Variants in KIRREL3 observed in about 807,000 individuals in gnomAD.
The protein encoded by KIRREL3 is kin of IRRE-like protein 3.
Under a neutral mutation model 89.7 loss-of-function variants are expected in KIRREL3, and 36 were observed. The ratio of observed to expected loss-of-function variants is 0.40; its 90% CI spans 0.31 to 0.53. The LOEUF (loss-of-function observed/expected upper bound fraction) is 0.53, where lower values mean the gene tolerates loss of function less well. KIRREL3 is among the 20% of genes least tolerant of loss of function. The pLI, the probability that KIRREL3 is intolerant of heterozygous loss-of-function variation, is 0.49. For synonymous variants in KIRREL3, 445 were observed against 441.4 expected (o/e 1.01, Z -0.10); for missense variants, 864 against 1,056.6 (o/e 0.82, Z 2.53).
rs1481196733 is a variant in KIRREL3 at position 126,425,716 on chromosome 11, C to G, written c.1815G>C (p.Arg605=). The G allele has an allele frequency of 1.3e-6, 2 of 1,594,814 alleles. No individual in the cohort carries two copies. Among genetic ancestry groups the G allele is most frequent in the Admixed American group, 1.7e-5 (1 of 57,710 alleles). Residue 605 remains arginine, a synonymous_variant, in exon 16 of 17, where the codon CGG becomes CGC. Coordinates refer to ENST00000525144, the MANE Select transcript of KIRREL3 (RefSeq NM_032531.4). The part of the protein sequence containing the change: ...HSTIKQLMMD[R]GEFQQDSVLK... The stretch of plus-strand genomic sequence containing the variant: ...GGACTGAGTCTTGCTGGAATTCACC[C>G]CGGTCCATCTGCAACCCAAAAAAGG...
At position 126,752,646 on chromosome 11, in the gene KIRREL3, G is replaced by T. The variant is rs978434650; in HGVS notation, c.56-189734C>A. On this transcript the variant is annotated intron_variant, in intron 1 of 16. Transcript: ENST00000525144. This position sits in a 1 kb window ranked among gnomAD's most constrained non-coding sequence, Gnocchi z 4.8. The stretch of plus-strand genomic sequence containing the variant: ...GACTACTATTCCCCCCCCACCCACT[G>T]CCTCCCAAGATTCACATGTGAAAGA... Among the ~76,000 whole-genome samples the T allele has an allele frequency of 2.6e-5, 4 of 151,938 alleles. No individual in the cohort carries two copies. The highest frequency in any genetic ancestry group is 5.9e-5 in the Non-Finnish European group (4 of 68,008).
intron 8 of KIRREL3, among the ~76,000 whole-genome samples, chr11:126,447,162 G>A (rs1955852033): frequency 6.6e-6 from 1 of 152,340 alleles, no homozygotes; most frequent in Non-Finnish European, 1.5e-5. Flanking sequence ...TGGGAAGAAG[G>A]TGCTGGGGAC....
intron 1 of KIRREL3, among the ~76,000 whole-genome samples, chr11:126,573,598 C>T (rs955519107): frequency 6.6e-6 from 1 of 152,134 alleles, no homozygotes; most frequent in Admixed American, 6.5e-5. Context: ...CCCATTACGA[C>T]GCTGTATCCT....
Position 126,523,272 on chromosome 11 carries a change from A to G in KIRREL3, c.284-1808T>C, listed in dbSNP as rs973905190. Among the ~76,000 whole-genome samples the G allele has an allele frequency of 1.3e-5, 2 of 152,072 alleles. No homozygotes were observed. The highest frequency in any genetic ancestry group is 2.9e-5 in the Non-Finnish European group (2 of 68,006). ...AGAGGTGATTTCTACACCGGGTGAA[A>G]GATCAGACTAGAGGAGCTTGAAGGC... is the stretch of plus-strand genomic sequence containing the variant. On this transcript the variant is annotated intron_variant, in intron 3 of 16. Coordinates refer to ENST00000525144, the MANE Select transcript of KIRREL3 (RefSeq NM_032531.4). This position sits in a 1 kb window ranked among gnomAD's most constrained non-coding sequence, Gnocchi z 4.9.
chr11:126,920,730 C>A (rs1397591087), intron 1 of KIRREL3, among the ~76,000 whole-genome samples: 1 of 152,162 alleles, frequency 6.6e-6, no homozygotes, highest in Admixed American at 6.5e-5. Context: ...TTTCCCCAAC[C>A]AGCTCAGACT....
rs1156520368 is a variant in KIRREL3, at chr11:126,601,553, T to C, written c.56-38641A>G. Among the ~76,000 whole-genome samples, 2 of 152,224 alleles carry C rather than the reference T, an allele frequency of 1.3e-5. No homozygotes were observed. The highest frequency in any genetic ancestry group is 4.8e-5 in the African/African-American group (2 of 41,462). On this transcript the variant is annotated intron_variant, in intron 1 of 16. Coordinates refer to ENST00000525144, the MANE Select transcript of KIRREL3 (RefSeq NM_032531.4). The surrounding 1 kb of genome is among the most constrained non-coding windows in gnomAD (Gnocchi z 5.8). ...GGCTATTTTCTTCCTAAATGGCTAATTATGGGAGATAGATGGCTGTAAACA... is the reference window on the plus strand; with the variant it reads ...GGCTATTTTCTTCCTAAATGGCTAACTATGGGAGATAGATGGCTGTAAACA...
At chr11:126,923,240 CTTCT>C (rs1947511608) in intron 1 of KIRREL3, among the ~76,000 whole-genome samples, 1 of 57,132 alleles carries the variant, frequency 1.8e-5, no homozygotes, top group Admixed American at 2.0e-4. Context: ...TCTTCTTCTT[CTTCT>C]TCTTCTTCTT....
At chr11:126,714,703 A>T (rs1355825546) in intron 1 of KIRREL3, among the ~76,000 whole-genome samples, 2 of 152,050 alleles carry the variant, frequency 1.3e-5, no homozygotes, top group East Asian at 3.9e-4. Flanking sequence ...ATGATGATGA[A>T]TCCTTTACTG....
chr11:126,542,968 A>T (rs377744222), intron 2 of KIRREL3, among the ~76,000 whole-genome samples: 2 of 152,126 alleles, frequency 1.3e-5, no homozygotes, highest in Admixed American at 6.5e-5. Flanking sequence ...CTTCACATAC[A>T]TTATCTTACC....
At chr11:126,506,922 G>A (rs1958038275) in intron 4 of KIRREL3, among the ~76,000 whole-genome samples, 2 of 152,122 alleles carry the variant, frequency 1.3e-5, no homozygotes, top group South Asian at 4.1e-4. Flanking sequence ...ACCACACCTG[G>A]CCAGCAGCAT....
At chr11:126,659,828 C>T (rs148150718) in intron 1 of KIRREL3, among the ~76,000 whole-genome samples, 4 of 152,128 alleles carry the variant, frequency 2.6e-5, no homozygotes, top group East Asian at 1.9e-4. Context: ...AAATCAAGCT[C>T]GTGGGTGATT....
rs576619745 is a variant in KIRREL3, at chr11:126,725,509, A to G, written c.56-162597T>C. Reference sequence around the variant, plus strand: ...TTGTTGCCTGTCCATAAACAAAAACATTATCATGCCCATGGGTTTGCCCCC... The same window carrying G: ...TTGTTGCCTGTCCATAAACAAAAACGTTATCATGCCCATGGGTTTGCCCCC... On this transcript the variant is annotated intron_variant, in intron 1 of 16. Transcript: ENST00000525144. Among the ~76,000 whole-genome samples the G allele has an allele frequency of 5.3e-5, 8 of 152,304 alleles. No individual in the cohort carries two copies. The South Asian group carries it at 1.7e-3, about 32-fold the overall frequency.
rs1946200048 is a variant in KIRREL3 at position 126,676,598 on chromosome 11, T to C, written c.56-113686A>G. 6.6e-6 allele frequency among the ~76,000 whole-genome samples: 1 copy of C among 151,922 alleles called. No homozygotes were observed. Among genetic ancestry groups the C allele is most frequent in the African/African-American group, 2.4e-5 (1 of 41,314 alleles). On this transcript the variant is annotated intron_variant, in intron 1 of 16. Transcript: ENST00000525144. The surrounding 1 kb of genome is among the most constrained non-coding windows in gnomAD (Gnocchi z 4.5). ...GTCTGTGAATACGTATTCTGAGGGG[T>C]CTTTGAGTTCTCAAGTTCAGGAAAC...
At chr11:126,974,565 G>A (rs928789744) in intron 1 of KIRREL3, among the ~76,000 whole-genome samples, 5 of 118,548 alleles carry the variant, frequency 4.2e-5, no homozygotes, top group African/African-American at 1.7e-4. Context: ...GGTATAGCCC[G>A]TTACACACCT....
intron 1 of KIRREL3, among the ~76,000 whole-genome samples, chr11:126,598,258 T>C (rs1942491198): frequency 6.6e-6 from 1 of 152,196 alleles, no homozygotes; most frequent in Non-Finnish European, 1.5e-5. Context: ...GAATTTTGGA[T>C]TTAGATTCAG....
Position 126,535,940 on chromosome 11 carries a change from G to A in KIRREL3, c.134-9253C>T, listed in dbSNP as rs1178657180. ...GCGGAGGTTGCAGTGAGCCAAGATC[G>A]CACCATTGCACTCCAGCCTAGGGGA... On this transcript the variant is annotated intron_variant, in intron 2 of 16. Coordinates refer to ENST00000525144, the MANE Select transcript of KIRREL3 (RefSeq NM_032531.4). The surrounding 1 kb of genome is among the most constrained non-coding windows in gnomAD (Gnocchi z 4.5). Among the ~76,000 whole-genome samples the A allele has an allele frequency of 2.6e-5, 4 of 152,082 alleles. No individual in the cohort carries two copies. Among genetic ancestry groups the A allele is most frequent in the African/African-American group, 9.6e-5 (4 of 41,490 alleles).
rs1447923980 is a variant in KIRREL3, at chr11:126,550,948, T to C, written c.133+11887A>G. Among the ~76,000 whole-genome samples the C allele has an allele frequency of 1.3e-5, 2 of 152,182 alleles. No homozygotes were observed. Among genetic ancestry groups the C allele is most frequent in the African/African-American group, 2.4e-5 (1 of 41,448 alleles). ...AAGACTTCCCCCACACCCTGGCACC[T>C]GTCACAAGTTCAGGCTTCCAGAACT... On this transcript the variant is annotated intron_variant, in intron 2 of 16. Coordinates refer to ENST00000525144, the MANE Select transcript of KIRREL3 (RefSeq NM_032531.4). The surrounding 1 kb of genome is among the most constrained non-coding windows in gnomAD (Gnocchi z 4.9).
rs963372087 is a variant in KIRREL3, at chr11:126,780,247, T to C, written c.56-217335A>G. Among the ~76,000 whole-genome samples, 5 of 152,200 alleles carry C rather than the reference T, an allele frequency of 3.3e-5. No homozygotes were observed. Among genetic ancestry groups the C allele is most frequent in the Admixed American group, 2.0e-4 (3 of 15,284 alleles). On this transcript the variant is annotated intron_variant, in intron 1 of 16. Transcript: ENST00000525144. This position sits in a 1 kb window ranked among gnomAD's most constrained non-coding sequence, Gnocchi z 5.3. Reference sequence around the variant, plus strand: ...ACAGAAACCCCAGCTAGCGTGGGTGTGTGGACTGCAGATGTGTAAGAGCAG... The same window carrying C: ...ACAGAAACCCCAGCTAGCGTGGGTGCGTGGACTGCAGATGTGTAAGAGCAG...
At chr11:126,971,981 A>G (rs1039956452) in intron 1 of KIRREL3, among the ~76,000 whole-genome samples, 5 of 152,194 alleles carry the variant, frequency 3.3e-5, no homozygotes, top group African/African-American at 9.7e-5. Context: ...TATCCAATTC[A>G]TAACTATAAA....
Sources: allele counts gnomAD v4.1 joint callset (sites outside exome capture counted in the v4.1 genomes callset), GRCh38; gene constraint gnomAD v4.1.1; non-coding constraint Gnocchi (gnomAD v3.1); transcripts MANE v1.5; gene names NCBI Gene and HGNC (gene_info 2026-07-23, HGNC 2026-07-21).